The following EPS15L1 variants were observed in gnomAD, a reference collection of about 807,000 sequenced individuals.
EPS15L1 encodes the protein epidermal growth factor receptor substrate 15-like 1.
EPS15L1 carries 43 observed loss-of-function variants against 117.1 expected under a neutral mutation model. That is an observed-to-expected ratio of 0.37 (90% CI 0.29 to 0.47). EPS15L1 has a LOEUF of 0.47. Ranked by LOEUF, EPS15L1 falls within the 20% of genes least tolerant of loss-of-function variation. The pLI, the probability that EPS15L1 is intolerant of heterozygous loss-of-function variation, is 0.99. For synonymous variants in EPS15L1, 459 were observed against 470.5 expected (o/e 0.98, Z 0.32); for missense variants, 981 against 1,164.0 (o/e 0.84, Z 2.29).
chr19:16,463,938 T>C (rs898735758), intron 1 of EPS15L1, among the ~76,000 whole-genome samples: 7 of 152,166 alleles, frequency 4.6e-5, no homozygotes, highest in Non-Finnish European at 8.8e-5. Flanking sequence ...TGAGGCAAGA[T>C]GAAGGATCGC....
At chr19:16,375,376 G>C (rs542208489) in intron 22 of EPS15L1, among the ~76,000 whole-genome samples, 8 of 152,102 alleles carry the variant, frequency 5.3e-5, no homozygotes, top group Non-Finnish European at 4.4e-5. Flanking sequence ...ACGTGTACGT[G>C]CACATACATG....
chr19:16,359,077 A>C, intron 23 of EPS15L1, among the ~76,000 whole-genome samples: 1 of 152,310 alleles, frequency 6.6e-6, no homozygotes, highest in Middle Eastern at 3.4e-3. Context: ...CACCACCTCC[A>C]CAAGTGAGGT....
intron 16 of EPS15L1, among the ~76,000 whole-genome samples, chr19:16,398,079 A>C (rs1385855031): frequency 6.6e-6 from 1 of 152,178 alleles, no homozygotes; most frequent in African/African-American, 2.4e-5. Context: ...GTCCAAAAGA[A>C]AGTTTCCTAG....
At chr19:16,428,214 A>C (rs539140954) in intron 8 of EPS15L1, among the ~76,000 whole-genome samples, 4 of 148,404 alleles carry the variant, frequency 2.7e-5, no homozygotes, top group Non-Finnish European at 5.9e-5. Context: ...AAAAAAAAGA[A>C]AGAAAGAAAG....
At position 16,355,695 on chromosome 19, in the gene EPS15L1, C is replaced by T. The variant is rs772371052; in HGVS notation, c.*10G>A. 1.5e-5 allele frequency: 23 copies of T among 1,534,288 alleles called. No individual in the cohort carries two copies. The highest frequency in any genetic ancestry group is 3.3e-4 in the Middle Eastern group (2 of 5,980). On this transcript the variant is annotated 3_prime_UTR_variant, in exon 24 of 24. Coordinates refer to ENST00000455140, the MANE Select transcript of EPS15L1 (RefSeq NM_001258374.3). The stretch of plus-strand genomic sequence containing the variant: ...GCCCGTGCCCTGTCCCGCCTACACA[C>T]GGCCCTCGCCTAGGCGGCAGGCATG...
chr19:16,414,118 C>T (rs1358705349), intron 12 of EPS15L1, among the ~76,000 whole-genome samples: 2 of 152,084 alleles, frequency 1.3e-5, no homozygotes, highest in Non-Finnish European at 2.9e-5. Flanking sequence ...TAGAGATGTC[C>T]CAAGTGTGAT....
At position 16,382,168 on chromosome 19, in the gene EPS15L1, T is replaced by C. The variant is rs554770044; in HGVS notation, c.2247+2961A>G. Among the ~76,000 whole-genome samples the C allele has an allele frequency of 1.8e-4, 28 of 152,256 alleles. No individual in the cohort carries two copies. The South Asian group carries it at 2.1e-3, about 11-fold the overall frequency. On this transcript the variant is annotated intron_variant, in intron 21 of 23. Coordinates refer to ENST00000455140, the MANE Select transcript of EPS15L1 (RefSeq NM_001258374.3). Reference sequence around the variant, plus strand: ...TGTGTGTTTAAACCCACGAGGCCAATTGGCAACTCGCGAGGCGACAGGCTT... The same window carrying C: ...TGTGTGTTTAAACCCACGAGGCCAACTGGCAACTCGCGAGGCGACAGGCTT...
intron 1 of EPS15L1, among the ~76,000 whole-genome samples, chr19:16,462,890 C>T (rs1011017140): frequency 6.6e-6 from 1 of 152,128 alleles, no homozygotes; most frequent in East Asian, 1.9e-4. Context: ...GAGGCACAGG[C>T]GCCCTCTTCC....
chr19:16,363,227 C>G (rs1439668414), intron 22 of EPS15L1, among the ~76,000 whole-genome samples: 2 of 152,216 alleles, frequency 1.3e-5, no homozygotes, highest in East Asian at 3.8e-4. Context: ...CGCAGCACCC[C>G]AGACTGGAAG....
At chr19:16,451,808 C>T (rs141633356) in intron 1 of EPS15L1, among the ~76,000 whole-genome samples, 12,021 of 148,832 alleles carry the variant, frequency 0.081, 551 homozygotes, top group Non-Finnish European at 0.11. Context: ...GGATTACAGG[C>T]GTGAGCCACC....
intron 1 of EPS15L1, among the ~76,000 whole-genome samples, chr19:16,460,436 T>C (rs577926736): frequency 5.4e-4 from 83 of 152,334 alleles, no homozygotes; most frequent in Non-Finnish European, 1.0e-3. Flanking sequence ...AAATGTGAAT[T>C]AAAGGACATT....
chr19:16,368,245 C>T (rs930475349), intron 22 of EPS15L1, among the ~76,000 whole-genome samples: 1 of 152,144 alleles, frequency 6.6e-6, no homozygotes, highest in African/African-American at 2.4e-5. Flanking sequence ...ATTGATCCTA[C>T]ACAATGGGAC....
At chr19:16,440,244 C>T (rs1016522163) in intron 4 of EPS15L1, among the ~76,000 whole-genome samples, 2 of 151,934 alleles carry the variant, frequency 1.3e-5, no homozygotes, top group African/African-American at 4.8e-5. Flanking sequence ...ACCAGCCTGG[C>T]CAAGATAGTG....
intron 13 of EPS15L1, among the ~76,000 whole-genome samples, chr19:16,408,800 G>A (rs530808014): frequency 1.3e-5 from 2 of 152,284 alleles, no homozygotes; most frequent in East Asian, 3.9e-4. Flanking sequence ...GTGATGTAGT[G>A]GCATGAGGAG....
At chr19:16,442,319 ATAGT>A (rs1599657599) in intron 1 of EPS15L1, 100 bp from the exon 2 acceptor site, 18 of 832,996 alleles carry the variant, frequency 2.2e-5, no homozygotes, top group South Asian at 5.9e-5. Context: ...ATATATGATG[ATAGT>A]TAGAGTCAAA....
intron 8 of EPS15L1, among the ~76,000 whole-genome samples, chr19:16,428,190 G>A (rs1300892704): frequency 2.8e-5 from 4 of 140,514 alleles, no homozygotes; most frequent in Non-Finnish European, 4.6e-5. Context: ...GACAGAGCAA[G>A]ACTCCGTATC....
At chr19:16,433,896 G>A (rs988007285) in intron 7 of EPS15L1, among the ~76,000 whole-genome samples, 7 of 152,110 alleles carry the variant, frequency 4.6e-5, no homozygotes, top group African/African-American at 1.7e-4. Flanking sequence ...CGGGGAGGCA[G>A]AGGTTGCAGT....
At position 16,398,114 on chromosome 19, in the gene EPS15L1, G is replaced by A. The variant is rs767759863; in HGVS notation, c.1792-2647C>T. On this transcript the variant is annotated intron_variant, in intron 16 of 23. Transcript: ENST00000455140. Reference sequence around the variant, plus strand: ...GCAAGGCTGCCACCACCCTGGGGCAGCCAACTTAGGGGTGCAGGACAGTTA... The same window carrying A: ...GCAAGGCTGCCACCACCCTGGGGCAACCAACTTAGGGGTGCAGGACAGTTA... Among the ~76,000 whole-genome samples, 5 of 152,226 alleles carry A rather than the reference G, an allele frequency of 3.3e-5. No individual in the cohort carries two copies. In the South Asian group the frequency reaches 1.0e-3, roughly 31 times the overall value.
intron 22 of EPS15L1, among the ~76,000 whole-genome samples, chr19:16,375,199 C>T (rs1015915674): frequency 4.6e-5 from 7 of 152,182 alleles, no homozygotes; most frequent in Non-Finnish European, 7.3e-5. Context: ...CCTGCATATG[C>T]GTACATGCAG....
Sources: allele counts gnomAD v4.1 joint callset (sites outside exome capture counted in the v4.1 genomes callset), GRCh38; gene constraint gnomAD v4.1.1; transcripts MANE v1.5; gene names NCBI Gene and HGNC (gene_info 2026-07-23, HGNC 2026-07-21).